The following CDK10 variants were observed in gnomAD, a reference collection of about 807,000 sequenced individuals.
CDK10 encodes the protein cyclin-dependent kinase 10.
A neutral mutation model predicts 51.0 loss-of-function variants in CDK10; 55 were observed. The observed-to-expected ratio is 1.08, with a 90% CI of 0.87 to 1.35. CDK10 has a LOEUF of 1.35. Among genes scored for constraint, CDK10 ranks in the 40% most tolerant of loss-of-function variants. The pLI is 0.00. For synonymous variants in CDK10, 255 were observed against 199.1 expected (o/e 1.28, Z -2.36); for missense variants, 589 against 485.1 (o/e 1.21, Z -2.01).
At chr16:89,689,453 A>G (rs892367054) in intron 2 of CDK10, 129 bp downstream of exon 2, 4 of 741,500 alleles carry the variant, frequency 5.4e-6, no homozygotes, top group Non-Finnish European at 9.6e-6. Flanking sequence ...CAGGGCAGAA[A>G]CCTGTTCAGG....
At position 89,696,174 on chromosome 16, in the gene CDK10, C is replaced by T. The variant is rs1237008938; in HGVS notation, c.*482C>T. 5.6e-6 allele frequency: 2 copies of T among 359,542 alleles called. No individual in the cohort carries two copies. The highest frequency in any genetic ancestry group is 1.1e-5 in the Non-Finnish European group (2 of 188,926). The allele number at this position is 359,542 out of a possible 1,614,324, so 22.3% of individuals were successfully genotyped here. The stretch of plus-strand genomic sequence containing the variant: ...GGCCTGGCAGGACTCCAGATGAGGA[C>T]AAGAGGGACAAGGTATGGGGTGGGA... On this transcript the variant is annotated 3_prime_UTR_variant, in exon 13 of 13. Transcript: ENST00000353379.
intron 2 of CDK10, chr16:89,689,565 G>A (rs1476965454): frequency 7.7e-6 from 4 of 521,720 alleles, no homozygotes; most frequent in African/African-American, 5.8e-5. Context: ...TCACTGCAGA[G>A]TACACAGAAC....
At chr16:89,695,209 C>G in intron 11 of CDK10, 84 bp from the exon 12 acceptor site, 1 of 1,543,164 alleles carries the variant, frequency 6.5e-7, no homozygotes, top group Non-Finnish European at 8.8e-7. Flanking sequence ...TTCCTTTGAG[C>G]ATTTGAATCA....
rs755212755 is a variant in CDK10, at chr16:89,695,351, T to G, written c.985+6T>G. The stretch of plus-strand genomic sequence containing the variant: ...TTTCAAGGAGAAGCCCCTACGTGAG[T>G]GTGCAGGGTTCCTGACTCGCTCTGT... On this transcript the variant is annotated splice_donor_region_variant and intron_variant, in intron 12 of 12. Coordinates refer to ENST00000353379, the MANE Select transcript of CDK10 (RefSeq NM_052988.5). 1.9e-6 allele frequency: 3 copies of G among 1,611,482 alleles called. No homozygotes were observed. The highest frequency in any genetic ancestry group is 1.7e-6 in the Non-Finnish European group (2 of 1,178,212).
rs376207812 is a variant in CDK10 at position 89,694,222 on chromosome 16, A to G, written c.658A>G (p.Ile220Val). The stretch of plus-strand genomic sequence containing the variant: ...GGGAACCACCACGCAGACCACCAGC[A>G]TCGACATGTGGTGAGGAGATACGGT... ...LLGTTTQTTS[I>V]DMWAVGCILA... Residue 220 changes from isoleucine to valine, a missense_variant, in exon 9 of 13, where the codon ATC becomes GTC. Coordinates refer to ENST00000353379, the MANE Select transcript of CDK10 (RefSeq NM_052988.5). 12 of 1,613,788 alleles carry G rather than the reference A, an allele frequency of 7.4e-6. No homozygotes were observed. In the South Asian group the frequency reaches 1.2e-4, roughly 16 times the overall value.
rs1427051542 is a variant in CDK10, at chr16:89,695,279, G to C, written c.933-14G>C. On this transcript the variant is annotated splice_polypyrimidine_tract_variant and intron_variant, in intron 11 of 12. Coordinates refer to ENST00000353379, the MANE Select transcript of CDK10 (RefSeq NM_052988.5). ...GCACTCACAAGTCGCACTAACGCAG[G>C]CTGCCTCCTCCAGGGCGACGGCCGG... is the stretch of plus-strand genomic sequence containing the variant. 1.2e-6 allele frequency: 2 copies of C among 1,606,734 alleles called. No individual in the cohort carries two copies. The highest frequency in any genetic ancestry group is 2.2e-5 in the South Asian group (2 of 90,724).
intron 3 of CDK10, 85 bp downstream of exon 3, chr16:89,690,709 G>A: frequency 1.7e-6 from 2 of 1,204,400 alleles, no homozygotes; most frequent in Non-Finnish European, 2.5e-6. Context: ...CAGAGCGACT[G>A]CACGGTGCTT....
At chr16:89,694,824 TGCCCACGCCCTCTGCGCCCGCA>T (rs2060628070) in intron 10 of CDK10, 36 bp downstream of exon 10, 1 of 1,204,876 alleles carries the variant, frequency 8.3e-7, no homozygotes, top group Non-Finnish European at 1.1e-6. Context: ...CCCCCGCCCG[TGCCCACGCCCTCTGCGCCCGCA>T]GCCCCCGCCC....
intron 1 of CDK10, among the ~76,000 whole-genome samples, chr16:89,688,222 C>T (rs1289901133): frequency 6.6e-6 from 1 of 151,860 alleles, no homozygotes; most frequent in Non-Finnish European, 1.5e-5. Flanking sequence ...GCTGGGACTA[C>T]AGGCGCCCGC....
rs770879994 is a variant in CDK10, at chr16:89,695,617, G to C, written c.1008G>C (p.Pro336=). 7 of 1,605,580 alleles carry C rather than the reference G, an allele frequency of 4.4e-6. No individual in the cohort carries two copies. Among genetic ancestry groups the C allele is most frequent in the Non-Finnish European group, 5.1e-6 (6 of 1,177,566 alleles). The change falls in exon 13 of 13, where the codon CCG becomes CCC. Residue 336 remains proline (P), a synonymous_variant. Transcript: ENST00000353379. Reference sequence around the variant, plus strand: ...CAGCCTGTGAGCCGGAGCTCATGCCGACCTTTCCCCACCACCGCAACAAGC... The same window carrying C: ...CAGCCTGTGAGCCGGAGCTCATGCCCACCTTTCCCCACCACCGCAACAAGC... ...KPLPCEPELM[P]TFPHHRNKRA...
chr16:89,694,279 A>T, intron 9 of CDK10, 47 bp downstream of exon 9: 1 of 1,591,268 alleles, frequency 6.3e-7, no homozygotes, highest in East Asian at 2.2e-5. Flanking sequence ...AAGGGCTGGG[A>T]CAGGAGCCGG....
intron 2 of CDK10, 169 bp downstream of exon 2, chr16:89,689,493 A>T: frequency 1.6e-6 from 1 of 628,286 alleles, no homozygotes; most frequent in Non-Finnish European, 2.9e-6. Context: ...GTTATCACAA[A>T]CATTGTACCA....
At chr16:89,689,400 G>C in intron 2 of CDK10, 76 bp downstream of exon 2, 1 of 1,321,448 alleles carries the variant, frequency 7.6e-7, no homozygotes, top group South Asian at 1.2e-5. Context: ...CGAAGCAGCA[G>C]CCGCGTTGGG....
chr16:89,692,521 G>C lies in CDK10; in HGVS notation c.485+5G>C. 1 of 1,583,338 alleles carries C rather than the reference G, an allele frequency of 6.3e-7. No individual in the cohort carries two copies. The highest frequency in any genetic ancestry group is 8.6e-7 in the Non-Finnish European group (1 of 1,164,578). On this transcript the variant is annotated splice_donor_5th_base_variant and intron_variant, in intron 6 of 12. Coordinates refer to ENST00000353379, the MANE Select transcript of CDK10 (RefSeq NM_052988.5). ...CAGGAACTTCATTATCCACAGGTGGGTGACAGCTAGGCAGAGTTGGAAGCA... is the reference window on the plus strand; with the variant it reads ...CAGGAACTTCATTATCCACAGGTGGCTGACAGCTAGGCAGAGTTGGAAGCA...
At chr16:89,694,109 C>T (rs2060581503) in intron 8 of CDK10, 64 bp from the exon 9 acceptor site, 2 of 1,523,228 alleles carry the variant, frequency 1.3e-6, no homozygotes, top group Non-Finnish European at 1.8e-6. Flanking sequence ...GAGGCTGTGT[C>T]CTGTGGAGGC....
At chr16:89,690,064 C>G (rs2060373237) in intron 2 of CDK10, 1 of 159,900 alleles carries the variant, frequency 6.3e-6, no homozygotes. Flanking sequence ...GACCCTGTCT[C>G]AAAAAAACCA....
rs550341295 is a variant in CDK10, at chr16:89,694,628, G to C, written c.669-37G>C. ...GTTCCTCGCGCTGGCGGGGTCAGCA[G>C]ACGTCTGGCCGCAGTGAGGTCCACT... On this transcript the variant is annotated intron_variant, in intron 9 of 12. Coordinates refer to ENST00000353379, the MANE Select transcript of CDK10 (RefSeq NM_052988.5). 6 of 1,567,082 alleles carry C rather than the reference G, an allele frequency of 3.8e-6. No individual in the cohort carries two copies. The African/African-American group carries it at 6.7e-5, about 18-fold the overall frequency.
intron 1 of CDK10, 171 bp downstream of exon 1, chr16:89,686,968 G>A (rs908783506): frequency 8.8e-6 from 5 of 566,168 alleles, no homozygotes; most frequent in Non-Finnish European, 1.5e-5. Context: ...GCGGGCTCAG[G>A]ACCCCCGACA....
rs1160561526 is a variant in CDK10 at position 89,695,840 on chromosome 16, GTC to G, written c.*150_*151del. 1.3e-6 allele frequency: 2 copies of G among 1,522,494 alleles called. No homozygotes were observed. Among genetic ancestry groups the G allele is most frequent in the African/African-American group, 2.7e-5 (2 of 72,836 alleles). The allele number at this position is 1,522,494 out of a possible 1,614,324, so 94.3% of individuals were successfully genotyped here. A position where few individuals can be genotyped will look rare whatever the true frequency, so the allele number is the denominator to read the frequency against. ...CATCCTCCACTGACTTCCTCCCACT[GTC>G]TGCCCTGAACCCACTGCTGCCCCCA... On this transcript the variant is annotated 3_prime_UTR_variant, in exon 13 of 13. Transcript: ENST00000353379.
Sources: allele counts gnomAD v4.1 joint callset (sites outside exome capture counted in the v4.1 genomes callset), GRCh38; gene constraint gnomAD v4.1.1; transcripts MANE v1.5; gene names NCBI Gene and HGNC (gene_info 2026-07-23, HGNC 2026-07-21).